LARGE1: variants seen among roughly 807,000 people sequenced by gnomAD.
The protein encoded by LARGE1 is LARGE xylosyl- and glucuronyltransferase 1.
In LARGE1, 43 loss-of-function variants were observed where a neutral mutation model predicts 87.6. That is an observed-to-expected ratio of 0.49 (90% CI 0.38 to 0.63). LARGE1 has a LOEUF of 0.63. LARGE1 is among the 30% of genes least tolerant of loss of function. LARGE1 has a pLI of 0.00. For synonymous variants in LARGE1, 434 were observed against 394.6 expected (o/e 1.10, Z -1.18); for missense variants, 802 against 1,000.2 (o/e 0.80, Z 2.67).
chr22:33,777,645 G>T lies in LARGE1; in HGVS notation c.-82-16087C>A, dbSNP rs560651968. On this transcript the variant is annotated intron_variant, in intron 1 of 14. Coordinates refer to ENST00000397394, the MANE Select transcript of LARGE1 (RefSeq NM_133642.5). Reference sequence around the variant, plus strand: ...GCAACAGAGAGGGAGGGAGGGGAAGGGGGAGGGGGAGGGGGAGGGGAAGGG... The same window carrying T: ...GCAACAGAGAGGGAGGGAGGGGAAGTGGGAGGGGGAGGGGGAGGGGAAGGG... Among the ~76,000 whole-genome samples, 301 of 121,002 alleles carry T rather than the reference G, an allele frequency of 2.5e-3. 2 individuals carry two copies. The highest frequency in any genetic ancestry group is 4.3e-3 in the Non-Finnish European group (245 of 57,378). The allele number at this position is 121,002 out of a possible 152,430, so 79.4% of individuals were successfully genotyped here.
chr22:33,613,595 A>G (rs371815670), intron 4 of LARGE1, among the ~76,000 whole-genome samples: 1 of 152,078 alleles, frequency 6.6e-6, no homozygotes, highest in East Asian at 1.9e-4. Context: ...TGGGTTCAGG[A>G]GATTCTCCTG....
At chr22:33,392,648 G>C (rs890720431) in intron 7 of LARGE1, among the ~76,000 whole-genome samples, 1 of 151,948 alleles carries the variant, frequency 6.6e-6, no homozygotes, top group African/African-American at 2.4e-5. Context: ...AACACAGCGA[G>C]ACTCTGTCTT....
intron 1 of LARGE1, among the ~76,000 whole-genome samples, chr22:33,781,035 A>C (rs1410208963): frequency 6.6e-6 from 1 of 152,252 alleles, no homozygotes; most frequent in Non-Finnish European, 1.5e-5. Flanking sequence ...TTCCATTTTT[A>C]TCACCCAATT....
chr22:33,785,255 A>G (rs1319953270), intron 1 of LARGE1, among the ~76,000 whole-genome samples: 1 of 151,856 alleles, frequency 6.6e-6, no homozygotes, highest in Non-Finnish European at 1.5e-5. Context: ...GTATATATGC[A>G]TGTGTATATG....
intron 2 of LARGE1, among the ~76,000 whole-genome samples, chr22:33,736,123 G>A (rs995734136): frequency 3.3e-5 from 5 of 152,104 alleles, no homozygotes; most frequent in Admixed American, 3.3e-4. Flanking sequence ...TTTTGTTTGA[G>A]AACCTGTTTT....
chr22:33,851,691 A>C (rs955519684), intron 1 of LARGE1, among the ~76,000 whole-genome samples: 1 of 152,252 alleles, frequency 6.6e-6, no homozygotes, highest in African/African-American at 2.4e-5. Flanking sequence ...AGAGGATGTC[A>C]GGAGGAGCTC....
At chr22:33,089,594 C>T in the LARGE1 span, among the ~76,000 whole-genome samples, 106 of 151,720 alleles carry the variant, frequency 7.0e-4, no homozygotes, top group Admixed American at 1.3e-3. Context: ...AACTCCTGGG[C>T]TCAAGGGATC....
chr22:33,599,287 T>C (rs1177841736), intron 5 of LARGE1, among the ~76,000 whole-genome samples: 2 of 152,222 alleles, frequency 1.3e-5, no homozygotes, highest in Non-Finnish European at 2.9e-5. Context: ...GAGGTAATCA[T>C]ACTTATCTTT....
At chr22:33,362,239 C>G (rs1569094457) in intron 9 of LARGE1, among the ~76,000 whole-genome samples, 1 of 149,204 alleles carries the variant, frequency 6.7e-6, no homozygotes, top group Non-Finnish European at 1.5e-5. Context: ...AACACAAAGA[C>G]TGAGGTAAAG....
At chr22:33,444,140 T>C (rs369665399) in intron 6 of LARGE1, among the ~76,000 whole-genome samples, 2 of 152,246 alleles carry the variant, frequency 1.3e-5, no homozygotes, top group African/African-American at 4.8e-5. Flanking sequence ...AAGGCCAACA[T>C]TTAAGTTCTG....
intron 1 of LARGE1, among the ~76,000 whole-genome samples, chr22:33,808,626 T>C (rs955952141): frequency 6.6e-6 from 1 of 152,234 alleles, no homozygotes; most frequent in Non-Finnish European, 1.5e-5. Context: ...CGTATTCCCC[T>C]GCCCTGACAA....
intron 2 of LARGE1, among the ~76,000 whole-genome samples, chr22:33,668,904 A>T (rs747711206): frequency 8.5e-5 from 13 of 152,232 alleles, no homozygotes; most frequent in Non-Finnish European, 1.6e-4. Flanking sequence ...ATAGAAACAG[A>T]TCCTCCCTCG....
rs149805815 is a variant in LARGE1, at chr22:33,622,849, C to T, written c.491+3395G>A. On this transcript the variant is annotated intron_variant, in intron 4 of 14. Transcript: ENST00000397394. ...GATTTGCTTTCTTCTCAAGTCCTCA[C>T]GCCGTCTTAAAAGTACGACATGCCA... Among the ~76,000 whole-genome samples the T allele has an allele frequency of 4.5e-4, 69 of 152,306 alleles. 1 individual carries two copies. The East Asian group carries it at 0.01, about 23-fold the overall frequency.
intron 1 of LARGE1, among the ~76,000 whole-genome samples, chr22:33,885,393 T>C (rs578219147): frequency 2.0e-5 from 3 of 152,330 alleles, no homozygotes; most frequent in South Asian, 4.1e-4. Flanking sequence ...GTACTTCAGA[T>C]GGCTAACTAC....
intron 2 of LARGE1, among the ~76,000 whole-genome samples, chr22:33,713,542 A>T (rs998577402): frequency 2.0e-5 from 3 of 152,034 alleles, no homozygotes; most frequent in Admixed American, 2.0e-4. Flanking sequence ...TGGCACTCTT[A>T]ATTACCTAAT....
chr22:33,571,093 A>G (rs1282633076), intron 5 of LARGE1, among the ~76,000 whole-genome samples: 1 of 152,232 alleles, frequency 6.6e-6, no homozygotes, highest in African/African-American at 2.4e-5. Flanking sequence ...TGGGCAGATC[A>G]TTATCCTTGC....
upstream of LARGE1, chr22:33,922,364 C>G (rs990127143): frequency 5.9e-5 from 9 of 152,266 alleles, no homozygotes; most frequent in African/African-American, 2.2e-4. Flanking sequence ...CGGCCTTTGG[C>G]TTTACCGAGC....
intron 5 of LARGE1, among the ~76,000 whole-genome samples, chr22:33,578,098 T>C (rs572693341): frequency 1.3e-5 from 2 of 152,350 alleles, no homozygotes; most frequent in South Asian, 2.1e-4. Context: ...CGTGGTAATA[T>C]TGACATTCAC....
chr22:33,332,010 T>C (rs1937774736), intron 10 of LARGE1, among the ~76,000 whole-genome samples: 1 of 152,100 alleles, frequency 6.6e-6, no homozygotes, highest in South Asian at 2.1e-4. Flanking sequence ...ATCCTCTGCT[T>C]GTCTGTAACC....
Sources: allele counts gnomAD v4.1 joint callset (sites outside exome capture counted in the v4.1 genomes callset), GRCh38; gene constraint gnomAD v4.1.1; transcripts MANE v1.5; gene names NCBI Gene and HGNC (gene_info 2026-07-23, HGNC 2026-07-21).